FRAS1: variants seen among roughly 807,000 people sequenced by gnomAD.
FRAS1 encodes extracellular matrix organizing protein FRAS1.
Under a neutral mutation model 435.2 loss-of-function variants are expected in FRAS1, and 290 were observed. The ratio of observed to expected loss-of-function variants is 0.67; its 90% CI spans 0.61 to 0.73. The LOEUF (loss-of-function observed/expected upper bound fraction) is 0.73. Among genes scored for constraint, FRAS1 ranks in the 30% least tolerant of loss-of-function variants. The probability of loss-of-function intolerance (pLI) is 0.00; values close to 1 mark genes in which losing one functional copy is unlikely to be tolerated. For missense variants in FRAS1, 4,860 were observed against 5,001.5 expected (o/e 0.97, Z 0.85); for synonymous variants, 1,800 against 1,851.0 (o/e 0.97, Z 0.71).
At chr4:78,469,938 C>T in intron 50 of FRAS1, 40 bp from the exon 51 acceptor site, 1 of 1,440,664 alleles carries the variant, frequency 6.9e-7, no homozygotes, top group Non-Finnish European at 9.7e-7. Flanking sequence ...ACTTCAGGTA[C>T]TTGTGAATGA....
intron 34 of FRAS1, 92 bp downstream of exon 34, chr4:78,422,092 C>T: frequency 7.9e-7 from 1 of 1,273,378 alleles, no homozygotes; most frequent in South Asian, 2.1e-5. Flanking sequence ...GTCCTCTGGA[C>T]CATTTGGTGC....
chr4:78,395,588 A>T (rs1005472831), intron 29 of FRAS1, among the ~76,000 whole-genome samples: 6 of 152,010 alleles, frequency 3.9e-5, no homozygotes, highest in Non-Finnish European at 7.4e-5. Flanking sequence ...TGCTAGATGG[A>T]TTAACCTCTC....
chr4:78,244,714 C>T (rs950006224), intron 3 of FRAS1, among the ~76,000 whole-genome samples: 12 of 152,238 alleles, frequency 7.9e-5, no homozygotes, highest in Admixed American at 2.6e-4. Context: ...CTCAGCTTAC[C>T]ACAGTGTGTA....
intron 9 of FRAS1, among the ~76,000 whole-genome samples, chr4:78,277,314 C>T (rs1240754716): frequency 6.6e-6 from 1 of 152,132 alleles, no homozygotes; most frequent in Non-Finnish European, 1.5e-5. Flanking sequence ...TGGGCTGCAT[C>T]CACTGTCCTG....
intron 58 of FRAS1, among the ~76,000 whole-genome samples, chr4:78,484,736 C>G (rs1460425311): frequency 1.3e-5 from 2 of 152,144 alleles, no homozygotes; most frequent in African/African-American, 4.8e-5. Flanking sequence ...TTGCTCATAA[C>G]CCCGTGCTCT....
intron 2 of FRAS1, among the ~76,000 whole-genome samples, chr4:78,123,219 T>C (rs1164744088): frequency 6.6e-6 from 1 of 152,188 alleles, no homozygotes; most frequent in Non-Finnish European, 1.5e-5. Context: ...CCCAGCACCA[T>C]GTATTAAATA....
At chr4:78,277,420 G>A (rs1056855779) in intron 9 of FRAS1, among the ~76,000 whole-genome samples, 6 of 152,128 alleles carry the variant, frequency 3.9e-5, no homozygotes, top group African/African-American at 1.2e-4. Flanking sequence ...GCTGGTAGCT[G>A]TAGACTGGAC....
chr4:78,245,595 C>T (rs1266645791), intron 4 of FRAS1, among the ~76,000 whole-genome samples: 1 of 152,170 alleles, frequency 6.6e-6, no homozygotes, highest in East Asian at 1.9e-4. Flanking sequence ...GTACCTCCCT[C>T]CTTTTATGTA....
chr4:78,498,716 G>A (rs912339381), intron 60 of FRAS1, among the ~76,000 whole-genome samples: 5 of 151,820 alleles, frequency 3.3e-5, no homozygotes, highest in African/African-American at 1.2e-4. Flanking sequence ...TGGTATAAAA[G>A]TTATCATTAC....
chr4:78,082,347 C>T (rs1337938963), intron 2 of FRAS1, among the ~76,000 whole-genome samples: 1 of 152,040 alleles, frequency 6.6e-6, no homozygotes, highest in Non-Finnish European at 1.5e-5. Flanking sequence ...TACTTCTCTG[C>T]AATGAAATAC....
chr4:78,308,084 C>A lies in FRAS1; in HGVS notation c.1553C>A (p.Ala518Glu). 6.2e-7 allele frequency: 1 copy of A among 1,612,846 alleles called. No individual in the cohort carries two copies. Among genetic ancestry groups the A allele is most frequent in the Non-Finnish European group, 8.5e-7 (1 of 1,179,136 alleles). ...HSCAVCHESCAGCWGPTEKHC... is the reference protein window; with the variant it reads ...HSCAVCHESCEGCWGPTEKHC... ...TCTGCAGTCTGCCATGAGTCCTGTG[C>A]AGGTTGCTGGGGCCCAACGGAGAAG... The change falls in exon 15 of 74, where the codon GCA becomes GAA. Residue 518 changes from alanine to glutamate, a missense_variant. By Grantham distance (107) the Ala-to-Glu change is moderately radical. Coordinates refer to ENST00000512123, the MANE Select transcript of FRAS1 (RefSeq NM_025074.7).
intron 38 of FRAS1, among the ~76,000 whole-genome samples, chr4:78,435,719 C>G (rs1356147128): frequency 6.8e-6 from 1 of 147,776 alleles, no homozygotes; most frequent in African/African-American, 2.5e-5. Context: ...GTCTTGGCAA[C>G]AGAGTGAGAC....
intron 14 of FRAS1, among the ~76,000 whole-genome samples, chr4:78,288,619 C>T (rs1727732122): frequency 1.3e-5 from 2 of 152,100 alleles, no homozygotes; most frequent in South Asian, 4.1e-4. Context: ...TTCATGCTCC[C>T]TCCAGGGAAT....
chr4:78,199,891 C>G (rs1277094806), intron 2 of FRAS1, among the ~76,000 whole-genome samples: 1 of 152,086 alleles, frequency 6.6e-6, no homozygotes, highest in Non-Finnish European at 1.5e-5. Flanking sequence ...AAAGTTAGCC[C>G]TAATGATGAT....
intron 2 of FRAS1, among the ~76,000 whole-genome samples, chr4:78,207,505 G>A (rs1047935974): frequency 1.3e-5 from 2 of 152,150 alleles, no homozygotes; most frequent in African/African-American, 4.8e-5. Flanking sequence ...TAGAAATACT[G>A]ATCTAAAATT....
In FRAS1 at chr4:78,317,435, C is replaced by A; in HGVS notation, c.1887C>A (p.Pro629=). 3.7e-6 allele frequency: 6 copies of A among 1,613,834 alleles called. No homozygotes were observed. The highest frequency in any genetic ancestry group is 3.4e-6 in the Non-Finnish European group (4 of 1,179,776). The part of the protein sequence containing the change: ...TPSHCTACSP[P]KALRQGHCLP... ...CTCACTGTACAGCCTGCAGCCCCCC[C>A]AAGGCTCTGCGTCAAGGCCACTGTC... Residue 629 remains proline (P), a synonymous_variant, in exon 17 of 74, where the codon CCC becomes CCA. Transcript: ENST00000512123.
At chr4:78,463,411 T>C (rs1719431374) in intron 47 of FRAS1, among the ~76,000 whole-genome samples, 1 of 152,212 alleles carries the variant, frequency 6.6e-6, no homozygotes, top group South Asian at 2.1e-4. Context: ...TAATTGCTCA[T>C]GCCCCAGAGT....
intron 10 of FRAS1, among the ~76,000 whole-genome samples, chr4:78,279,957 T>G (rs1727250771): frequency 6.6e-6 from 1 of 152,208 alleles, no homozygotes; most frequent in South Asian, 2.1e-4. Context: ...CCGACACAGT[T>G]AATGCCTTTT....
In FRAS1 at chr4:78,091,801, A is replaced by C. The variant is rs4367203; in HGVS notation, c.108+25785A>C. Among the ~76,000 whole-genome samples the C allele has an allele frequency of 2.0e-4, 31 of 151,632 alleles. 1 individual carries two copies. The highest frequency in any genetic ancestry group is 1.2e-3 in the Admixed American group (19 of 15,210). ...GCCTCCTGAGTAGCTCATACTGCAGATGCACACCACCACATTTGACCAAAT... is the reference window on the plus strand; with the variant it reads ...GCCTCCTGAGTAGCTCATACTGCAGCTGCACACCACCACATTTGACCAAAT... On this transcript the variant is annotated intron_variant, in intron 2 of 73. Coordinates refer to ENST00000512123, the MANE Select transcript of FRAS1 (RefSeq NM_025074.7).
Sources: gnomAD v4.1 joint callset for allele counts (sites outside exome capture counted in the v4.1 genomes callset) on GRCh38, gnomAD v4.1.1 for gene constraint, MANE v1.5 for transcripts, NCBI Gene and HGNC (gene_info 2026-07-23, HGNC 2026-07-21) for gene names.